The following HEPHL1 variants were observed in gnomAD, a reference collection of about 807,000 sequenced individuals.
The protein encoded by HEPHL1 is ferroxidase HEPHL1.
Under a neutral mutation model 122.0 loss-of-function variants are expected in HEPHL1, and 123 were observed. The observed-to-expected ratio is 1.01, with a 90% CI of 0.87 to 1.17. The LOEUF is 1.17. Among genes scored for constraint, HEPHL1 ranks in the 50% most tolerant of loss-of-function variants. The pLI is 0.00. For synonymous variants in HEPHL1, 527 were observed against 508.9 expected, an observed-to-expected ratio of 1.04 and a Z score of -0.48; for missense variants, 1,452 against 1,430.5, an observed-to-expected ratio of 1.01 and a Z score of -0.24.
At chr11:94,100,853 T>G (rs1032772788) in intron 13 of HEPHL1, among the ~76,000 whole-genome samples, 3 of 152,148 alleles carry the variant, frequency 2.0e-5, no homozygotes, top group Non-Finnish European at 4.4e-5. Flanking sequence ...AGTAAACACT[T>G]TTAGATACAT....
chr11:94,075,289 C>T lies in HEPHL1; in HGVS notation c.1620C>T (p.Tyr540=). Residue 540 remains tyrosine (Y), a synonymous_variant, in exon 9 of 20, where the codon TAC becomes TAT. Transcript: ENST00000315765. Reference sequence around the variant, plus strand: ...ATCCTCCCTGTCTGACCTATCTTTACTTCTCAGCAGTTGATCCAATTAAGG... The same window carrying T: ...ATCCTCCCTGTCTGACCTATCTTTATTTCTCAGCAGTTGATCCAATTAAGG... ...AGDPPCLTYL[Y]FSAVDPIKDT... is the part of the protein sequence containing the mutation. 2 of 1,613,564 alleles carry T rather than the reference C, an allele frequency of 1.2e-6. No individual in the cohort carries two copies. The highest frequency in any genetic ancestry group is 2.2e-5 in the South Asian group (2 of 91,080).
intron 13 of HEPHL1, among the ~76,000 whole-genome samples, chr11:94,095,352 A>G (rs1283131957): frequency 2.0e-5 from 3 of 152,040 alleles, no homozygotes; most frequent in African/African-American, 7.2e-5. Context: ...CCATTGGTCT[A>G]TATCTTTGTT....
chr11:94,036,501 C>T (rs1404723017), intron 1 of HEPHL1, among the ~76,000 whole-genome samples: 1 of 152,156 alleles, frequency 6.6e-6, no homozygotes, highest in Non-Finnish European at 1.5e-5. Flanking sequence ...CACAACTTTT[C>T]AGGCTCCAAT....
chr11:94,062,748 C>T (rs544978526), intron 2 of HEPHL1, among the ~76,000 whole-genome samples: 10 of 152,110 alleles, frequency 6.6e-5, no homozygotes, highest in Non-Finnish European at 1.3e-4. Flanking sequence ...ACAGACTGGT[C>T]TCTGTCCTTT....
At chr11:94,043,016 G>T (rs1472221558) in intron 1 of HEPHL1, among the ~76,000 whole-genome samples, 1 of 151,828 alleles carries the variant, frequency 6.6e-6, no homozygotes, top group Admixed American at 6.6e-5. Context: ...AAGAAAAACA[G>T]AAAAAATTAT....
chr11:94,094,120 G>A (rs1445897526), intron 13 of HEPHL1, among the ~76,000 whole-genome samples: 4 of 150,334 alleles, frequency 2.7e-5, no homozygotes, highest in African/African-American at 4.9e-5. Context: ...TTTACATTAG[G>A]TATATCTCCT....
At chr11:94,049,459 C>G (rs773011232) in intron 2 of HEPHL1, among the ~76,000 whole-genome samples, 4 of 151,912 alleles carry the variant, frequency 2.6e-5, no homozygotes, top group Non-Finnish European at 5.9e-5. Flanking sequence ...AAAATGAAAA[C>G]TAGAACTCCC....
chr11:94,097,562 T>C (rs1946328382), intron 13 of HEPHL1, among the ~76,000 whole-genome samples: 1 of 152,186 alleles, frequency 6.6e-6, no homozygotes, highest in Admixed American at 6.5e-5. Flanking sequence ...GTTCAATTCC[T>C]GGATATCCTT....
chr11:94,042,842 T>A (rs1197642206), intron 1 of HEPHL1, among the ~76,000 whole-genome samples: 2 of 118,830 alleles, frequency 1.7e-5, no homozygotes, highest in South Asian at 2.8e-4. Flanking sequence ...AACCTGCACA[T>A]TGTGCACATG....
At chr11:94,056,763 T>C (rs1945941245) in intron 2 of HEPHL1, among the ~76,000 whole-genome samples, 2 of 152,136 alleles carry the variant, frequency 1.3e-5, no homozygotes, top group Non-Finnish European at 2.9e-5. Context: ...TGGTGCTTTA[T>C]ATTACTTTAT....
At chr11:94,066,647 T>A (rs1250953159) in intron 4 of HEPHL1, among the ~76,000 whole-genome samples, 1 of 152,128 alleles carries the variant, frequency 6.6e-6, no homozygotes, top group Non-Finnish European at 1.5e-5. Context: ...TGGAAGATAA[T>A]TAATATGTAC....
intron 4 of HEPHL1, among the ~76,000 whole-genome samples, chr11:94,065,657 A>C (rs1365971450): frequency 6.6e-6 from 1 of 152,194 alleles, no homozygotes; most frequent in Non-Finnish European, 1.5e-5. Context: ...GAAAACAATG[A>C]AGGATGGAGT....
In HEPHL1 at chr11:94,086,004, A is replaced by G; in HGVS notation, c.1895A>G (p.Gln632Arg). 1 of 1,613,870 alleles carries G rather than the reference A, an allele frequency of 6.2e-7. No homozygotes were observed. Among genetic ancestry groups the G allele is most frequent in the Non-Finnish European group, 8.5e-7 (1 of 1,179,844 alleles). ...GTTAACGGCTACATGTATGGCAACC[A>G]GCCAGGCTTAAACATGTGTAAAAGG... ...HAVNGYMYGN[Q>R]PGLNMCKRDR... Residue 632 changes from glutamine (Q) to arginine (R), a missense_variant, in exon 11 of 20, where the codon CAG (glutamine) becomes CGG (arginine). Coordinates refer to ENST00000315765, the MANE Select transcript of HEPHL1 (RefSeq NM_001098672.2).
chr11:94,030,022 A>G (rs758246252), intron 1 of HEPHL1, among the ~76,000 whole-genome samples: 2 of 152,150 alleles, frequency 1.3e-5, no homozygotes, highest in Non-Finnish European at 2.9e-5. Context: ...ATGTGTGTAT[A>G]CTTTTGTGTC....
At chr11:94,094,981 C>T (rs1475139818) in intron 13 of HEPHL1, among the ~76,000 whole-genome samples, 1 of 152,170 alleles carries the variant, frequency 6.6e-6, no homozygotes, top group East Asian at 1.9e-4. Flanking sequence ...TTTTGCTGTG[C>T]AGGAGCTCTT....
chr11:94,037,648 C>T (rs1945738939), intron 1 of HEPHL1, among the ~76,000 whole-genome samples: 1 of 152,106 alleles, frequency 6.6e-6, no homozygotes, highest in Non-Finnish European at 1.5e-5. Context: ...AACAGACCTG[C>T]AGCTGAGGGT....
rs759620909 is a variant in HEPHL1 at position 94,088,880 on chromosome 11, T to C, written c.2206T>C (p.Tyr736His). The change falls in exon 12 of 20, where the codon TAC becomes CAC. Residue 736 changes from tyrosine to histidine, a missense_variant. Transcript: ENST00000315765. Reference protein sequence around the residue: ...EQRYGMIRTFYIAAEEVEWDY... With the variant: ...EQRYGMIRTFHIAAEEVEWDY... ...GCGGTACGGGATGATAAGAACTTTT[T>C]ACATCGCCGCTGAAGAAGTAGAATG... The C allele has an allele frequency of 2.6e-4, 420 of 1,613,866 alleles. No individual in the cohort carries two copies. The highest frequency in any genetic ancestry group is 3.4e-4 in the Non-Finnish European group (406 of 1,179,888).
At chr11:94,063,951 C>A (rs1380849588) in intron 3 of HEPHL1, among the ~76,000 whole-genome samples, 1 of 152,192 alleles carries the variant, frequency 6.6e-6, no homozygotes, top group Non-Finnish European at 1.5e-5. Context: ...AATGATATTT[C>A]ATAACACAAT....
At chr11:94,037,161 C>T (rs1221405360) in intron 1 of HEPHL1, among the ~76,000 whole-genome samples, 32 of 152,086 alleles carry the variant, frequency 2.1e-4, no homozygotes, top group African/African-American at 5.8e-4. Context: ...CTTTTCAGAC[C>T]GGCTTAAAAA....
Sources: gnomAD v4.1 joint callset for allele counts (sites outside exome capture counted in the v4.1 genomes callset) on GRCh38, gnomAD v4.1.1 for gene constraint, MANE v1.5 for transcripts, NCBI Gene and HGNC (gene_info 2026-07-23, HGNC 2026-07-21) for gene names.